LARGE1: variants seen among roughly 807,000 people sequenced by gnomAD.
LARGE1 encodes xylosyl- and glucuronyltransferase LARGE1.
Under a neutral mutation model 87.6 loss-of-function variants are expected in LARGE1, and 43 were observed. That is an observed-to-expected ratio of 0.49 (90% CI 0.38 to 0.63). The LOEUF (loss-of-function observed/expected upper bound fraction) is 0.63, where lower values mean the gene tolerates loss of function less well. Among genes scored for constraint, LARGE1 ranks in the 30% least tolerant of loss-of-function variants. LARGE1 has a pLI of 0.00. For missense variants in LARGE1, 802 were observed against 1,000.2 expected (o/e 0.80, Z 2.67); for synonymous variants, 434 against 394.6 (o/e 1.10, Z -1.18).
chr22:33,702,671 A>G (rs2082434987), intron 2 of LARGE1, among the ~76,000 whole-genome samples: 2 of 152,192 alleles, frequency 1.3e-5, no homozygotes, highest in Admixed American at 6.5e-5. Context: ...GGATGCCTCT[A>G]TGGTGTGAGA....
At chr22:33,193,930 AAT>A (rs1212182430) in intron 11 of LARGE1, among the ~76,000 whole-genome samples, 1 of 124,322 alleles carries the variant, frequency 8.0e-6, no homozygotes, top group African/African-American at 3.2e-5. Flanking sequence ...ATATATATTA[AAT>A]ATGTTATAGA....
At chr22:33,096,677 G>C in the LARGE1 span, among the ~76,000 whole-genome samples, 4 of 149,946 alleles carry the variant, frequency 2.7e-5, no homozygotes, top group Admixed American at 1.3e-4. Flanking sequence ...CCATTCTCCT[G>C]CCTCCGCCTC....
intron 10 of LARGE1, among the ~76,000 whole-genome samples, chr22:33,323,817 C>G (rs1347125567): frequency 6.6e-6 from 1 of 152,152 alleles, no homozygotes; most frequent in Non-Finnish European, 1.5e-5. Context: ...TAAAGTGCTA[C>G]CCAAACCTAA....
chr22:33,868,736 A>G (rs569471417), intron 1 of LARGE1, among the ~76,000 whole-genome samples: 1 of 152,250 alleles, frequency 6.6e-6, no homozygotes, highest in South Asian at 2.1e-4. Flanking sequence ...GGTCTGGTCA[A>G]CCAGAAATCA....
In LARGE1 at chr22:33,266,811, C is replaced by T. The variant is rs549228303; in HGVS notation, c.1730+37418G>A. On this transcript the variant is annotated intron_variant, in intron 11 of 11. Transcript: ENST00000608642. ...CTCCATGCTCCCTGTCCTTATACCT[C>T]ACATTCATTTCACTCCCATTCAGGA... 5.3e-5 allele frequency among the ~76,000 whole-genome samples: 8 copies of T among 151,414 alleles called. No homozygotes were observed. In the South Asian group the frequency reaches 1.7e-3, roughly 31 times the overall value.
rs890011019 is a variant in LARGE1, at chr22:33,902,468, A to G, written c.-83+17527T>C. On this transcript the variant is annotated intron_variant, in intron 1 of 14. Coordinates refer to ENST00000397394, the MANE Select transcript of LARGE1 (RefSeq NM_133642.5). ...CTACAATTCCAACACGGCAGCACTGAGCCTAGGGAGGTGAAAGGTCCAGAT... is the reference window on the plus strand; with the variant it reads ...CTACAATTCCAACACGGCAGCACTGGGCCTAGGGAGGTGAAAGGTCCAGAT... Among the ~76,000 whole-genome samples, 3 of 152,232 alleles carry G rather than the reference A, an allele frequency of 2.0e-5. No individual in the cohort carries two copies. The East Asian group carries it at 5.8e-4, about 29-fold the overall frequency.
At chr22:33,125,183 C>T in the LARGE1 span, among the ~76,000 whole-genome samples, 1 of 152,136 alleles carries the variant, frequency 6.6e-6, no homozygotes, top group Admixed American at 6.6e-5. Flanking sequence ...TTTCAGGACC[C>T]CTTCCTGGTT....
chr22:33,325,622 A>G (rs1045123303), intron 10 of LARGE1, among the ~76,000 whole-genome samples: 2 of 152,220 alleles, frequency 1.3e-5, no homozygotes, highest in African/African-American at 4.8e-5. Context: ...ACTAACAGGC[A>G]CATTTGAATG....
intron 1 of LARGE1, among the ~76,000 whole-genome samples, chr22:33,791,125 A>G (rs796799895): frequency 6.6e-6 from 1 of 152,340 alleles, no homozygotes; most frequent in African/African-American, 2.4e-5. Context: ...ACTTTATTCT[A>G]TAAGTAAATG....
At chr22:33,489,251 T>C (rs886515295) in intron 6 of LARGE1, among the ~76,000 whole-genome samples, 10 of 152,204 alleles carry the variant, frequency 6.6e-5, no homozygotes, top group African/African-American at 2.4e-4. Context: ...GATCACAAAA[T>C]GTGTGGTCGT....
intron 7 of LARGE1, among the ~76,000 whole-genome samples, chr22:33,422,105 T>C (rs1291450812): frequency 6.6e-6 from 1 of 152,242 alleles, no homozygotes; most frequent in Non-Finnish European, 1.5e-5. Context: ...CAGCTTTGCA[T>C]CCAGCCAGCC....
chr22:33,715,255 C>T (rs1603228458), intron 2 of LARGE1, among the ~76,000 whole-genome samples: 1 of 152,192 alleles, frequency 6.6e-6, no homozygotes, highest in African/African-American at 2.4e-5. Flanking sequence ...TCACCACAGG[C>T]GTTTCTCATG....
intron 1 of LARGE1, among the ~76,000 whole-genome samples, chr22:33,841,208 G>T (rs1448550645): frequency 6.6e-6 from 1 of 152,160 alleles, no homozygotes; most frequent in African/African-American, 2.4e-5. Flanking sequence ...CTAAGCCAAG[G>T]TGCGTCTGTT....
chr22:33,443,799 G>T (rs1420887092), intron 6 of LARGE1, among the ~76,000 whole-genome samples: 1 of 152,130 alleles, frequency 6.6e-6, no homozygotes, highest in East Asian at 1.9e-4. Context: ...TTGGAAATGG[G>T]AAAAACTAAA....
chr22:33,406,701 T>C (rs1327771092), intron 7 of LARGE1, among the ~76,000 whole-genome samples: 2 of 151,644 alleles, frequency 1.3e-5, no homozygotes, highest in African/African-American at 4.8e-5. Flanking sequence ...TGTGGAGGAG[T>C]GGAATTTGGG....
chr22:33,697,154 A>G (rs1181569067), intron 2 of LARGE1, among the ~76,000 whole-genome samples: 5 of 152,184 alleles, frequency 3.3e-5, no homozygotes, highest in Admixed American at 1.3e-4. Context: ...TTTTCTGGCA[A>G]GCATGAACAA....
chr22:33,721,390 G>A (rs1360126852), intron 2 of LARGE1, among the ~76,000 whole-genome samples: 1 of 152,218 alleles, frequency 6.6e-6, no homozygotes, highest in South Asian at 2.1e-4. Context: ...GTGAGAATTT[G>A]AATGTGCAAG....
intron 7 of LARGE1, among the ~76,000 whole-genome samples, chr22:33,419,110 G>A (rs1056534376): frequency 7.2e-5 from 11 of 152,072 alleles, no homozygotes; most frequent in African/African-American, 2.7e-4. Context: ...ATGGTGGAAA[G>A]GGAAGCAGGC....
the LARGE1 span, chr22:33,137,149 C>T: frequency 6.6e-6 from 1 of 152,194 alleles, no homozygotes; most frequent in South Asian, 2.1e-4. Context: ...ATAGAAAGGT[C>T]AGCCTTTACT....
Sources: allele counts gnomAD v4.1 joint callset (sites outside exome capture counted in the v4.1 genomes callset), GRCh38; gene constraint gnomAD v4.1.1; transcripts MANE v1.5; gene names NCBI Gene and HGNC (gene_info 2026-07-23, HGNC 2026-07-21).